Variants in ESYT1 observed in about 807,000 individuals in gnomAD.
ESYT1 encodes the protein extended synaptotagmin-1.
Under a neutral mutation model 154.2 loss-of-function variants are expected in ESYT1, and 116 were observed. That is an observed-to-expected ratio of 0.75 (90% CI 0.65 to 0.88). ESYT1 has a LOEUF of 0.88. ESYT1 is among the 40% of genes least tolerant of loss of function. ESYT1 has a pLI of 0.00. For missense variants in ESYT1, 1,264 were observed against 1,379.3 expected, an observed-to-expected ratio of 0.92 and a Z score of 1.32; for synonymous variants, 500 against 539.9, an observed-to-expected ratio of 0.93 and a Z score of 1.02.
At position 56,132,750 on chromosome 12, in the gene ESYT1, T is replaced by C. The variant is rs1421716016; in HGVS notation, c.1193T>C (p.Ile398Thr). ...GTACACGAGGTCCCAGGGCAGGAGA[T>C]TGAAGTGGAGGTGTTCGACAAGGAT... is the stretch of plus-strand genomic sequence containing the variant. ...VMVHEVPGQEIEVEVFDKDPD... is the reference protein window; with the variant it reads ...VMVHEVPGQETEVEVFDKDPD... Residue 398 changes from isoleucine (I) to threonine (T), a missense_variant, in exon 10 of 31, where the codon ATT (isoleucine) becomes ACT (threonine). Ile to Thr is a moderately conservative substitution (Grantham distance 89). Transcript: ENST00000394048. 6 of 1,614,058 alleles carry C rather than the reference T, an allele frequency of 3.7e-6. No individual in the cohort carries two copies. The highest frequency in any genetic ancestry group is 1.1e-5 in the South Asian group (1 of 91,076).
rs181825806 is a variant in ESYT1 at position 56,132,891 on chromosome 12, C to T, written c.1244+90C>T. ...ATCCCAGCACTTTGGGAGGCTGAGG[C>T]GGGCGGATCACGAGGTCAGGAGATT... is the stretch of plus-strand genomic sequence containing the variant. On this transcript the variant is annotated intron_variant, in intron 10 of 30. Transcript: ENST00000394048. 4.5e-3 allele frequency: 5,004 copies of T among 1,111,396 alleles called. 36 individuals carry two copies. Among genetic ancestry groups the T allele is most frequent in the Middle Eastern group, 0.017 (61 of 3,582 alleles). 68.8% of individuals were successfully genotyped at this position (1,111,396 alleles called of 1,614,324 possible).
At chr12:56,138,618 G>A (rs953823820) in intron 22 of ESYT1, 119 bp downstream of exon 22, 4 of 1,282,038 alleles carry the variant, frequency 3.1e-6, no homozygotes, top group Non-Finnish European at 3.4e-6. Context: ...TGAGGGTAGT[G>A]CAGGGGTGGG....
At chr12:56,141,869 T>C (rs903632936) in intron 24 of ESYT1, among the ~76,000 whole-genome samples, 10 of 151,372 alleles carry the variant, frequency 6.6e-5, no homozygotes, top group African/African-American at 2.4e-4. Context: ...GAGGCTGAGG[T>C]GGGTGGATCA....
At position 56,128,726 on chromosome 12, in the gene ESYT1, G is replaced by C. The variant is rs372706252; in HGVS notation, c.390+17G>C. On this transcript the variant is annotated intron_variant, in intron 1 of 30. Coordinates refer to ENST00000394048, the MANE Select transcript of ESYT1 (RefSeq NM_015292.3). ...CCTGCCTGGGTGAGCGACCACCCTC[G>C]GTCCTCTGTGCAGCATAGCCCCCTT... 1 of 1,612,178 alleles carries C rather than the reference G, an allele frequency of 6.2e-7. No individual in the cohort carries two copies. The highest frequency in any genetic ancestry group is 8.5e-7 in the Non-Finnish European group (1 of 1,179,980).
At position 56,136,869 on chromosome 12, in the gene ESYT1, A is replaced by G; in HGVS notation, c.1758A>G (p.Arg586=). 1 of 1,607,792 alleles carries G rather than the reference A, an allele frequency of 6.2e-7. No individual in the cohort carries two copies. Among genetic ancestry groups the G allele is most frequent in the Non-Finnish European group, 8.5e-7 (1 of 1,176,234 alleles). The part of the protein sequence containing the change: ...FQLSSSGPNS[R]LYMKLVMRIL... ...TCAGCAGCTCTGGTCCAAACTCCAG[A>G]CTCTATATGAAACTAGTCATGAGGG... The change falls in exon 16 of 31, where the codon AGA becomes AGG. Residue 586 remains arginine, a synonymous_variant. Transcript: ENST00000394048.
chr12:56,132,340 C>G lies in ESYT1; in HGVS notation c.984+8C>G, dbSNP rs1170950387. 6.2e-7 allele frequency: 1 copy of G among 1,614,130 alleles called. No individual in the cohort carries two copies. Among genetic ancestry groups the G allele is most frequent in the Non-Finnish European group, 8.5e-7 (1 of 1,180,030 alleles). ...CGTTCCCCTCTGCCCAGGGTATGGC[C>G]TTTCCCCCACTAGATAGATCCTTCT... On this transcript the variant is annotated splice_region_variant and intron_variant, in intron 8 of 30. Coordinates refer to ENST00000394048, the MANE Select transcript of ESYT1 (RefSeq NM_015292.3).
Position 56,138,936 on chromosome 12 carries a change from C to T in ESYT1, c.2515C>T (p.Gln839Ter). ...CCCTCATCTCCACCAGACTATTTCG[C>T]AAACTTCAGCCCCTGTCTGGGATGA... Reference protein sequence around the residue: ...DSSHKTKTISQTSAPVWDESA... With the variant: ...DSSHKTKTIS Residue 839 changes from glutamine to a stop codon, truncating the protein, a stop_gained, in exon 24 of 31, where the codon CAA becomes TAA. Coordinates refer to ENST00000394048, the MANE Select transcript of ESYT1 (RefSeq NM_015292.3). LOFTEE classifies it high-confidence loss of function. 6.2e-7 allele frequency: 1 copy of T among 1,614,124 alleles called. No homozygotes were observed. Among genetic ancestry groups the T allele is most frequent in the Non-Finnish European group, 8.5e-7 (1 of 1,179,974 alleles).
In ESYT1 at chr12:56,132,767, G is replaced by C; in HGVS notation, c.1210G>C (p.Asp404His). The C allele has an allele frequency of 1.9e-6, 3 of 1,614,132 alleles. No individual in the cohort carries two copies. The highest frequency in any genetic ancestry group is 1.1e-5 in the South Asian group (1 of 91,076). ...GCAGGAGATTGAAGTGGAGGTGTTC[G>C]ACAAGGATCCAGATAAAGATGACTT... ...PGQEIEVEVF[D>H]KDPDKDDFLG... is the part of the protein sequence containing the mutation. Residue 404 changes from aspartate (D) to histidine (H), a missense_variant, in exon 10 of 31, where the codon GAC (aspartate) becomes CAC (histidine). By Grantham distance (81) the Asp-to-His change is moderately conservative. Coordinates refer to ENST00000394048, the MANE Select transcript of ESYT1 (RefSeq NM_015292.3).
At chr12:56,129,379 T>C (rs1486918866) in intron 1 of ESYT1, 2 of 155,562 alleles carry the variant, frequency 1.3e-5, no homozygotes, top group Non-Finnish European at 2.9e-5. Context: ...CCACACCCTT[T>C]TCCGGACTGT....
chr12:56,139,066 A>G, intron 24 of ESYT1, 53 bp downstream of exon 24: 1 of 1,375,782 alleles, frequency 7.3e-7, no homozygotes, highest in South Asian at 1.2e-5. Context: ...ATGGCCAGGC[A>G]GGAAACCAGG....
At chr12:56,129,950 C>T (rs775352413) in intron 1 of ESYT1, among the ~76,000 whole-genome samples, 22 of 151,778 alleles carry the variant, frequency 1.4e-4, no homozygotes, top group Admixed American at 5.3e-4. Context: ...GACGGAGTCT[C>T]GCTCTGTTGC....
Position 56,128,340 on chromosome 12 carries a change from G to A in ESYT1, c.21G>A (p.Glu7=). 6.2e-7 allele frequency: 1 copy of A among 1,611,466 alleles called. No individual in the cohort carries two copies. The highest frequency in any genetic ancestry group is 8.5e-7 in the Non-Finnish European group (1 of 1,179,274). MERSPG[E]GPSPSPMDQP... ...GCACAATGGAGCGATCTCCAGGAGA[G>A]GGCCCCAGCCCCAGCCCCATGGACC... is the stretch of plus-strand genomic sequence containing the variant. Residue 7 remains glutamate (E), a synonymous_variant, in exon 1 of 31, where the codon GAG becomes GAA. Coordinates refer to ENST00000394048, the MANE Select transcript of ESYT1 (RefSeq NM_015292.3).
Position 56,142,761 on chromosome 12 carries a change from G to A in ESYT1, c.2888+29G>A, listed in dbSNP as rs377244700. 19 of 1,612,988 alleles carry A rather than the reference G, an allele frequency of 1.2e-5. No individual in the cohort carries two copies. In the Admixed American group the frequency reaches 1.5e-4, roughly 13 times the overall value. The stretch of plus-strand genomic sequence containing the variant: ...AAGGGCTGGGACAGGAAGGTGGGAC[G>A]CAGTCAGAAATAAAAAGTATTACAG... On this transcript the variant is annotated intron_variant, in intron 26 of 30. Coordinates refer to ENST00000394048, the MANE Select transcript of ESYT1 (RefSeq NM_015292.3). The surrounding 1 kb of genome is among the most constrained non-coding windows in gnomAD (Gnocchi z 4.1).
chr12:56,132,008 A>T (rs1344070379), intron 7 of ESYT1, among the ~76,000 whole-genome samples: 1 of 152,150 alleles, frequency 6.6e-6, no homozygotes. Context: ...AGGGCTGAAG[A>T]CTGCAAAAGG....
rs555307557 is a variant in ESYT1, at chr12:56,133,462, T to C, written c.1290T>C (p.Asp430=). The change falls in exon 11 of 31, where the codon GAT becomes GAC. Residue 430 remains aspartate (D), a synonymous_variant. Coordinates refer to ENST00000394048, the MANE Select transcript of ESYT1 (RefSeq NM_015292.3). ...AGGTGTTACAGGCTAGCGTTCTGGA[T>C]GATGTAAGTTGGGAGAAGAGGAAGG... ...VGKVLQASVL[D]DWFPLQGGQG... is the part of the protein sequence containing the mutation. The C allele has an allele frequency of 2.5e-6, 4 of 1,614,152 alleles. No homozygotes were observed. The African/African-American group carries it at 5.3e-5, about 22-fold the overall frequency.
At position 56,133,576 on chromosome 12, in the gene ESYT1, A is replaced by T. The variant is rs1356898074; in HGVS notation, c.1294-12A>T. On this transcript the variant is annotated splice_polypyrimidine_tract_variant and intron_variant, in intron 11 of 30. Transcript: ENST00000394048. Reference sequence around the variant, plus strand: ...AGGTATCTGATCTCTACTACATCTCAATTTCTTCTAGTGGTTCCCTCTACA... The same window carrying T: ...AGGTATCTGATCTCTACTACATCTCTATTTCTTCTAGTGGTTCCCTCTACA... 2 of 1,614,030 alleles carry T rather than the reference A, an allele frequency of 1.2e-6. No individual in the cohort carries two copies. The highest frequency in any genetic ancestry group is 1.7e-6 in the Non-Finnish European group (2 of 1,179,896).
chr12:56,136,060 CAAAAAAAAAAA>C (rs72370981), intron 15 of ESYT1, among the ~76,000 whole-genome samples: 1 of 45,754 alleles, frequency 2.2e-5, no homozygotes, highest in Admixed American at 2.2e-4. Flanking sequence ...ACTCTGTCTC[CAAAAAAAAAAA>C]AAAAAAAAAA....
intron 30 of ESYT1, 44 bp downstream of exon 30, chr12:56,143,673 G>C: frequency 6.2e-7 from 1 of 1,613,052 alleles, no homozygotes; most frequent in Non-Finnish European, 8.5e-7. Context: ...TATTTCAGTG[G>C]GAGAAATTCC....
chr12:56,130,708 G>C, intron 2 of ESYT1, 83 bp from the exon 3 acceptor site: 1 of 1,613,152 alleles, frequency 6.2e-7, no homozygotes, highest in Non-Finnish European at 8.5e-7. Context: ...AACCCTCAGT[G>C]CTCTCCGTGG....
Sources: gnomAD v4.1 joint callset for allele counts (sites outside exome capture counted in the v4.1 genomes callset) on GRCh38, gnomAD v4.1.1 for gene constraint, Gnocchi (gnomAD v3.1) non-coding constraint, MANE v1.5 for transcripts, NCBI Gene and HGNC (gene_info 2026-07-23, HGNC 2026-07-21) for gene names.